PPP1R12C: variants seen among roughly 807,000 people sequenced by gnomAD.
The protein encoded by PPP1R12C is leukocyte receptor cluster (LRC) encoded novel gene 3.
Under a neutral mutation model 95.6 loss-of-function variants are expected in PPP1R12C, and 48 were observed. The ratio of observed to expected loss-of-function variants is 0.50; its 90% CI spans 0.40 to 0.64. The LOEUF (loss-of-function observed/expected upper bound fraction) is 0.64. Ranked by LOEUF, PPP1R12C falls within the 30% of genes least tolerant of loss-of-function variation. PPP1R12C has a pLI of 0.00. For synonymous variants in PPP1R12C, 480 were observed against 460.8 expected (o/e 1.04, Z -0.53); for missense variants, 1,057 against 1,083.3 (o/e 0.98, Z 0.34).
chr19:55,103,164 A>G (rs2084996860), intron 4 of PPP1R12C, among the ~76,000 whole-genome samples: 1 of 152,228 alleles, frequency 6.6e-6, no homozygotes, highest in Non-Finnish European at 1.5e-5. Context: ...ACTGCACTCC[A>G]GCCTGGGTGA....
At chr19:55,116,795 G>A (rs1268370199) in intron 1 of PPP1R12C, among the ~76,000 whole-genome samples, 5 of 152,184 alleles carry the variant, frequency 3.3e-5, no homozygotes, top group Admixed American at 6.5e-5. Flanking sequence ...TTCAGGAGAG[G>A]GCAGGGCAGG....
chr19:55,096,294 C>T lies in PPP1R12C; in HGVS notation c.993G>A (p.Glu331=), dbSNP rs1468758946. The stretch of plus-strand genomic sequence containing the variant: ...GTTTGCTGCTAGAGGGCGCTTGGGG[C>T]TCCTGGCCCCGGCTCTGGGAAGCTT... ...QKEASQSRGQ[E]PQAPSSSKHR... The change falls in exon 7 of 22, where the codon GAG becomes GAA. Residue 331 remains glutamate, a synonymous_variant. Transcript: ENST00000263433. 4 of 1,613,684 alleles carry T rather than the reference C, an allele frequency of 2.5e-6. No homozygotes were observed. The highest frequency in any genetic ancestry group is 3.4e-6 in the Non-Finnish European group (4 of 1,179,942).
At chr19:55,104,023 T>C (rs1240212612) in intron 3 of PPP1R12C, among the ~76,000 whole-genome samples, 2 of 143,948 alleles carry the variant, frequency 1.4e-5, no homozygotes, top group Non-Finnish European at 3.0e-5. Context: ...TTTAGCCAGG[T>C]GTGGTGGCAG....
rs940992429 is a variant in PPP1R12C at position 55,095,190 on chromosome 19, C to A, written c.1454+101G>T. 12 of 1,322,544 alleles carry A rather than the reference C, an allele frequency of 9.1e-6. No individual in the cohort carries two copies. In the Admixed American group the frequency reaches 2.4e-4, roughly 26 times the overall value. The allele number at this position is 1,322,544 out of a possible 1,614,324, so 81.9% of individuals were successfully genotyped here. On this transcript the variant is annotated intron_variant, in intron 11 of 21. Coordinates refer to ENST00000263433, the MANE Select transcript of PPP1R12C (RefSeq NM_017607.4). Reference sequence around the variant, plus strand: ...CAGGCTCTGGAGTGGCGGCAGGAACCAGACCCCAGGGGGTACATGGTCTCA... The same window carrying A: ...CAGGCTCTGGAGTGGCGGCAGGAACAAGACCCCAGGGGGTACATGGTCTCA...
intron 3 of PPP1R12C, among the ~76,000 whole-genome samples, chr19:55,106,506 C>T (rs549519368): frequency 4.6e-5 from 7 of 152,322 alleles, no homozygotes; most frequent in East Asian, 3.9e-4. Flanking sequence ...TGGTCGATTC[C>T]GCCTGCCTCC....
At chr19:55,113,219 C>T in intron 1 of PPP1R12C, 1 of 531,864 alleles carries the variant, frequency 1.9e-6, no homozygotes, top group East Asian at 3.1e-5. Context: ...CCCCTCCTGC[C>T]TTAAACCCAG....
intron 9 of PPP1R12C, 116 bp downstream of exon 9, chr19:55,095,751 G>T: frequency 2.0e-6 from 3 of 1,519,464 alleles, no homozygotes; most frequent in South Asian, 1.1e-5. Flanking sequence ...TGTCCAGGAC[G>T]ACTCTGGGAA....
intron 3 of PPP1R12C, chr19:55,111,285 C>T (rs1157565164): frequency 6.6e-6 from 1 of 151,996 alleles, no homozygotes; most frequent in Admixed American, 6.6e-5. Flanking sequence ...GAAGTGTGCA[C>T]TTTGGGTGAA....
chr19:55,098,847 G>C lies in PPP1R12C; in HGVS notation c.888C>G (p.Pro296=). 6.2e-7 allele frequency: 1 copy of C among 1,613,400 alleles called. No individual in the cohort carries two copies. The highest frequency in any genetic ancestry group is 1.1e-5 in the South Asian group (1 of 91,082). ...MDSLTHAGQR[P]CDLADEEVLS... ...GTACTTCCTCATCGGCCAGGTCACA[G>C]GGACGCTGCCCCTGGGTCAGGGGAG... Residue 296 remains proline (P), a synonymous_variant, in exon 6 of 22, where the codon CCC becomes CCG. Transcript: ENST00000263433.
At chr19:55,115,628 G>A (rs2085145453) in intron 1 of PPP1R12C, 1 of 152,022 alleles carries the variant, frequency 6.6e-6, no homozygotes, top group Non-Finnish European at 1.5e-5. Flanking sequence ...CAAGGAGAGA[G>A]ATGGCTCCAG....
chr19:55,095,144 G>A (rs949969983), intron 11 of PPP1R12C, 147 bp downstream of exon 11: 3 of 924,468 alleles, frequency 3.2e-6, no homozygotes, highest in East Asian at 2.6e-5. Flanking sequence ...GAGGGAGAGA[G>A]CCCCCAAGAG....
intron 3 of PPP1R12C, among the ~76,000 whole-genome samples, chr19:55,110,113 C>A (rs1040419260): frequency 1.4e-4 from 22 of 152,142 alleles, no homozygotes; most frequent in African/African-American, 4.1e-4. Context: ...AGTTCACAGA[C>A]CCCCTGGAGG....
chr19:55,092,946 G>A, intron 15 of PPP1R12C, 70 bp downstream of exon 15: 1 of 1,578,270 alleles, frequency 6.3e-7, no homozygotes, highest in Non-Finnish European at 8.6e-7. Flanking sequence ...CAAGCCCCCA[G>A]GAAAGCAAGA....
rs200484863 is a variant in PPP1R12C, at chr19:55,091,737, G to A, written c.2212-37C>T. 3 of 1,613,434 alleles carry A rather than the reference G, an allele frequency of 1.9e-6. No homozygotes were observed. In the East Asian group the frequency reaches 6.7e-5, roughly 36 times the overall value. On this transcript the variant is annotated intron_variant, in intron 20 of 21. Coordinates refer to ENST00000263433, the MANE Select transcript of PPP1R12C (RefSeq NM_017607.4). ...AGGGAAAGTGCAGAAACTGAGTGAG[G>A]CTGAGGAGGGCAGGGGAAGGCCAGG...
At position 55,091,352 on chromosome 19, in the gene PPP1R12C, G is replaced by A; in HGVS notation, c.*120C>T. The A allele has an allele frequency of 3.7e-6, 4 of 1,079,488 alleles. No individual in the cohort carries two copies. The highest frequency in any genetic ancestry group is 5.4e-6 in the Non-Finnish European group (4 of 745,552). 66.9% of individuals were successfully genotyped at this position (1,079,488 alleles called of 1,614,324 possible). A position where few individuals can be genotyped will look rare whatever the true frequency, so the allele number is the denominator to read the frequency against. Reference sequence around the variant, plus strand: ...CTCCCCTCCCAGTCCGGAGGTCCCAGGGGGGCTATGGCTTCTCTGAGACTT... The same window carrying A: ...CTCCCCTCCCAGTCCGGAGGTCCCAAGGGGGCTATGGCTTCTCTGAGACTT... On this transcript the variant is annotated 3_prime_UTR_variant, in exon 22 of 22. Coordinates refer to ENST00000263433, the MANE Select transcript of PPP1R12C (RefSeq NM_017607.4).
intron 3 of PPP1R12C, among the ~76,000 whole-genome samples, chr19:55,104,883 T>C (rs2085020823): frequency 6.6e-6 from 1 of 151,782 alleles, no homozygotes; most frequent in Non-Finnish European, 1.5e-5. Context: ...GCGGTTCTCC[T>C]GCCTCAGCTT....
rs187457181 is a variant in PPP1R12C at position 55,109,168 on chromosome 19, G to A, written c.571+3299C>T. Among the ~76,000 whole-genome samples, 4 of 152,206 alleles carry A rather than the reference G, an allele frequency of 2.6e-5. No individual in the cohort carries two copies. Among genetic ancestry groups the A allele is most frequent in the Admixed American group, 1.3e-4 (2 of 15,292 alleles). ...GTCTTGCCCCCAGGCTGGAGTGACC[G>A]TGGTTCACTGCATCTTCCACCTCCC... On this transcript the variant is annotated intron_variant, in intron 3 of 21. Coordinates refer to ENST00000263433, the MANE Select transcript of PPP1R12C (RefSeq NM_017607.4). This position sits in a 1 kb window ranked among gnomAD's most constrained non-coding sequence, Gnocchi z 4.4.
chr19:55,115,540 T>G (rs1407046603), intron 1 of PPP1R12C: 1 of 101,522 alleles, frequency 9.9e-6, no homozygotes. Flanking sequence ...CATCCCCCCC[T>G]TCCCTCCCAC....
Position 55,098,705 on chromosome 19 carries a change from GT to G in PPP1R12C, c.951+78del, listed in dbSNP as rs1568810802. The G allele has an allele frequency of 2.6e-6, 4 of 1,531,200 alleles. No individual in the cohort carries two copies. The East Asian group carries it at 9.0e-5, about 35-fold the overall frequency. 94.9% of individuals were successfully genotyped at this position (1,531,200 alleles called of 1,614,324 possible). A position where few individuals can be genotyped will look rare whatever the true frequency, so the allele number is the denominator to read the frequency against. ...GTGGTGGGTGTCAGAAGTCGGGGGG[GT>G]TCCCCCTCTGCACCCTCCTCTGAGG... On this transcript the variant is annotated intron_variant, in intron 6 of 21. Transcript: ENST00000263433.
Sources: allele counts gnomAD v4.1 joint callset (sites outside exome capture counted in the v4.1 genomes callset), GRCh38; gene constraint gnomAD v4.1.1; non-coding constraint Gnocchi (gnomAD v3.1); transcripts MANE v1.5; gene names NCBI Gene and HGNC (gene_info 2026-07-23, HGNC 2026-07-21).